The following DTNA variants were observed in gnomAD, a reference collection of about 807,000 sequenced individuals.
DTNA encodes dystrophin-related protein 3.
In DTNA, 43 loss-of-function variants were observed where a neutral mutation model predicts 100.7. The observed-to-expected ratio is 0.43, with a 90% CI of 0.33 to 0.55. The LOEUF (loss-of-function observed/expected upper bound fraction) is 0.55, where lower values mean the gene tolerates loss of function less well. Ranked by LOEUF, DTNA falls within the 20% of genes least tolerant of loss-of-function variation. The pLI is 0.04. For synonymous variants in DTNA, 349 were observed against 347.9 expected (o/e 1.00, Z -0.04); for missense variants, 798 against 953.9 (o/e 0.84, Z 2.15).
At chr18:34,727,657 C>A (rs1366788504) in intron 1 of DTNA, among the ~76,000 whole-genome samples, 1 of 152,090 alleles carries the variant, frequency 6.6e-6, no homozygotes, top group Non-Finnish European at 1.5e-5. Flanking sequence ...CTCCACCTCC[C>A]AGGTTCAAGC....
At chr18:34,592,467 A>AACACAC (rs3078085) in intron 1 of DTNA, among the ~76,000 whole-genome samples, 6,560 of 139,448 alleles carry the variant, frequency 0.047, 464 homozygotes, top group African/African-American at 0.16. Flanking sequence ...ACACTTGTAT[A>AACACAC]ACACACACAC....
At chr18:34,555,941 C>T (rs1331512572) in intron 1 of DTNA, among the ~76,000 whole-genome samples, 2 of 151,220 alleles carry the variant, frequency 1.3e-5, no homozygotes, top group African/African-American at 2.4e-5. Context: ...CTTTCTGTCT[C>T]GTTGATCTGT....
intron 1 of DTNA, among the ~76,000 whole-genome samples, chr18:34,563,393 G>A (rs886178970): frequency 6.6e-6 from 1 of 152,158 alleles, no homozygotes; most frequent in East Asian, 1.9e-4. Flanking sequence ...CTGACATCTT[G>A]ATTTTGGATT....
chr18:34,714,954 A>G (rs1441788658), intron 1 of DTNA, among the ~76,000 whole-genome samples: 2 of 151,958 alleles, frequency 1.3e-5, no homozygotes, highest in African/African-American at 4.8e-5. Flanking sequence ...AACTATCGCA[A>G]GAACAAAAAA....
At chr18:34,727,481 T>A (rs2086978943) in intron 1 of DTNA, among the ~76,000 whole-genome samples, 1 of 152,200 alleles carries the variant, frequency 6.6e-6, no homozygotes, top group Non-Finnish European at 1.5e-5. Flanking sequence ...AAATTTTCAC[T>A]GTAAAACAAA....
At chr18:34,772,491 A>G (rs911161167) in intron 3 of DTNA, among the ~76,000 whole-genome samples, 3 of 152,228 alleles carry the variant, frequency 2.0e-5, no homozygotes, top group African/African-American at 7.2e-5. Flanking sequence ...TCAATATTCT[A>G]TGAATGAACG....
chr18:34,816,919 T>C (rs1272399980), intron 7 of DTNA, among the ~76,000 whole-genome samples: 1 of 152,216 alleles, frequency 6.6e-6, no homozygotes, highest in Non-Finnish European at 1.5e-5. Context: ...ATTTAAAGAA[T>C]GAATTTATTT....
chr18:34,714,752 G>T (rs1174085255), intron 1 of DTNA, among the ~76,000 whole-genome samples: 1 of 152,102 alleles, frequency 6.6e-6, no homozygotes, highest in African/African-American at 2.4e-5. Flanking sequence ...AAAGACACAT[G>T]CACACGTATG....
Position 34,575,507 on chromosome 18 carries a change from T to C in DTNA, c.-2+81993T>C, listed in dbSNP as rs557949843. ...GCTAGATCTGATGTTCCTTCTCATG[T>C]AGAATTTTTTCCAAACATGGTCTTG... On this transcript the variant is annotated intron_variant, in intron 1 of 19. Transcript: ENST00000283365. Among the ~76,000 whole-genome samples, 22 of 152,264 alleles carry C rather than the reference T, an allele frequency of 1.4e-4. No individual in the cohort carries two copies. In the South Asian group the frequency reaches 4.6e-3, roughly 32 times the overall value.
intron 3 of DTNA, among the ~76,000 whole-genome samples, chr18:34,773,068 A>G (rs1431582722): frequency 6.6e-6 from 1 of 152,188 alleles, no homozygotes; most frequent in African/African-American, 2.4e-5. Context: ...CAGCCCAGCT[A>G]GAGTGTCCTC....
rs538835514 is a variant in DTNA at position 34,617,146 on chromosome 18, T to G, written c.-2+123632T>G. Among the ~76,000 whole-genome samples, 9 of 152,280 alleles carry G rather than the reference T, an allele frequency of 5.9e-5. No homozygotes were observed. The South Asian group carries it at 1.5e-3, about 25-fold the overall frequency. On this transcript the variant is annotated intron_variant, in intron 1 of 19. Transcript: ENST00000283365. ...TTGCCTGATTGCTTTGGCTGGGATT[T>G]CCAGTACTATGCTGAATATGTGTGG... is the stretch of plus-strand genomic sequence containing the variant.
intron 1 of DTNA, among the ~76,000 whole-genome samples, chr18:34,638,621 A>G (rs2058913046): frequency 1.3e-5 from 2 of 152,220 alleles, no homozygotes; most frequent in South Asian, 2.1e-4. Flanking sequence ...CTTGGTTCCT[A>G]TATTTCTATA....
chr18:34,577,753 G>A (rs1334488024), intron 1 of DTNA, among the ~76,000 whole-genome samples: 4 of 152,120 alleles, frequency 2.6e-5, no homozygotes, highest in Non-Finnish European at 5.9e-5. Context: ...AGGTTACTGC[G>A]AATGCCATTA....
chr18:34,825,492 T>C (rs904057433), intron 9 of DTNA, among the ~76,000 whole-genome samples: 1 of 152,238 alleles, frequency 6.6e-6, no homozygotes, highest in Non-Finnish European at 1.5e-5. Flanking sequence ...TTTGTGGAGC[T>C]GTTTCTTTTA....
intron 17 of DTNA, among the ~76,000 whole-genome samples, chr18:34,870,431 C>G (rs2096753875): frequency 6.6e-6 from 1 of 152,132 alleles, no homozygotes; most frequent in Non-Finnish European, 1.5e-5. Flanking sequence ...AGGCATGAAC[C>G]AGTCAAAAGC....
chr18:34,590,081 T>C lies in DTNA; in HGVS notation c.-2+96567T>C, dbSNP rs1481560722. Among the ~76,000 whole-genome samples, 3 of 152,218 alleles carry C rather than the reference T, an allele frequency of 2.0e-5. No individual in the cohort carries two copies. The East Asian group carries it at 5.8e-4, about 29-fold the overall frequency. On this transcript the variant is annotated intron_variant, in intron 1 of 19. Transcript: ENST00000283365. Reference sequence around the variant, plus strand: ...CAATGAGCATGGAAGTACAGATACCTTTAGGAGTTGATGTATTTCCTTTGG... The same window carrying C: ...CAATGAGCATGGAAGTACAGATACCCTTAGGAGTTGATGTATTTCCTTTGG...
Position 34,889,430 on chromosome 18 carries a change from T to G in DTNA, c.*1696T>G, listed in dbSNP as rs1309939963. 2 of 985,298 alleles carry G rather than the reference T, an allele frequency of 2.0e-6. No individual in the cohort carries two copies. Among genetic ancestry groups the G allele is most frequent in the Non-Finnish European group, 2.4e-6 (2 of 829,932 alleles). 61.0% of individuals were successfully genotyped at this position (985,298 alleles called of 1,614,324 possible). A position where few individuals can be genotyped will look rare whatever the true frequency, so the allele number is the denominator to read the frequency against. ...AAGGTTGAGAACTACTGCTTTAGAA[T>G]GAAGTCGTATAATAAAGTCTCTGAA... On this transcript the variant is annotated 3_prime_UTR_variant, in exon 23 of 23. Transcript: ENST00000444659.
intron 1 of DTNA, among the ~76,000 whole-genome samples, chr18:34,654,032 G>T (rs2073997474): frequency 1.3e-5 from 2 of 152,170 alleles, no homozygotes; most frequent in African/African-American, 4.8e-5. Flanking sequence ...CATTCAGAGT[G>T]TTCCTATGAG....
intron 1 of DTNA, among the ~76,000 whole-genome samples, chr18:34,651,841 A>G (rs559895650): frequency 3.3e-5 from 5 of 152,092 alleles, no homozygotes; most frequent in Non-Finnish European, 5.9e-5. Flanking sequence ...AGGTGGGAAG[A>G]TTGCTTGAGC....
Sources: gnomAD v4.1 joint callset for allele counts (sites outside exome capture counted in the v4.1 genomes callset) on GRCh38, gnomAD v4.1.1 for gene constraint, MANE v1.5 for transcripts, NCBI Gene and HGNC (gene_info 2026-07-23, HGNC 2026-07-21) for gene names.